Variants in ARGFX observed in about 807,000 individuals in gnomAD.
The protein encoded by ARGFX is arginine-fifty homeobox.
A neutral mutation model predicts 8.0 loss-of-function variants in ARGFX; 10 were observed. The ratio of observed to expected loss-of-function variants is 1.25; its 90% CI spans 0.77 to 2.12. The LOEUF (loss-of-function observed/expected upper bound fraction) is 2.12, where lower values mean the gene tolerates loss of function less well. Among genes scored for constraint, ARGFX ranks in the 30% most tolerant of loss-of-function variants. The pLI is 0.00. For missense variants in ARGFX, 282 were observed against 324.3 expected, an observed-to-expected ratio of 0.87 and a Z score of 1.00; for synonymous variants, 116 against 117.8, an observed-to-expected ratio of 0.98 and a Z score of 0.10.
intron 3 of ARGFX, among the ~76,000 whole-genome samples, chr3:121,580,567 AGTGTGTGT>A (rs143363410): frequency 5.5e-5 from 7 of 128,092 alleles, no homozygotes; most frequent in African/African-American, 8.6e-5. Flanking sequence ...TATAAAGAAA[AGTGTGTGT>A]GTGTGTGTGT....
At chr3:121,568,683 G>C (rs2048688140) in intron 1 of ARGFX, among the ~76,000 whole-genome samples, 1 of 152,124 alleles carries the variant, frequency 6.6e-6, no homozygotes, top group Non-Finnish European at 1.5e-5. Context: ...ATCTTTAAGA[G>C]GTTGATAATA....
rs2048834876 is a variant in ARGFX, at chr3:121,589,796, A to G, written c.*3196A>G. Among the ~76,000 whole-genome samples, 1 of 152,250 alleles carries G rather than the reference A, an allele frequency of 6.6e-6. No individual in the cohort carries two copies. The highest frequency in any genetic ancestry group is 1.5e-5 in the Non-Finnish European group (1 of 68,040). On this transcript the variant is annotated 3_prime_UTR_variant, in exon 5 of 5. Coordinates refer to ENST00000334384, the MANE Select transcript of ARGFX (RefSeq NM_001012659.2). ...AACATATACCAAAAATATATGAGGC[A>G]AATTTTAGCAAAAATTAAAATTCTT... is the stretch of plus-strand genomic sequence containing the variant.
At chr3:121,576,323 T>C (rs1175437703) in intron 2 of ARGFX, among the ~76,000 whole-genome samples, 1 of 152,168 alleles carries the variant, frequency 6.6e-6, no homozygotes, top group Non-Finnish European at 1.5e-5. Flanking sequence ...AGTGTGTCTA[T>C]TTCCAAACTC....
chr3:121,568,290 C>G (rs561653402), intron 1 of ARGFX, among the ~76,000 whole-genome samples: 1 of 152,260 alleles, frequency 6.6e-6, no homozygotes, highest in South Asian at 2.1e-4. Flanking sequence ...GTTAGCCAGG[C>G]CTTTGGAAAT....
intron 3 of ARGFX, among the ~76,000 whole-genome samples, chr3:121,577,222 T>G (rs2048744071): frequency 8.6e-6 from 1 of 116,882 alleles, no homozygotes; most frequent in African/African-American, 3.6e-5. Flanking sequence ...TATATCTACA[T>G]GTACATATAT....
chr3:121,580,028 C>G (rs1275354226), intron 3 of ARGFX, among the ~76,000 whole-genome samples: 2 of 129,812 alleles, frequency 1.5e-5, no homozygotes, highest in Non-Finnish European at 3.1e-5. Flanking sequence ...TCTCAGCTTA[C>G]TGCAGCCTCA....
At chr3:121,578,459 T>C (rs1576442737) in intron 3 of ARGFX, among the ~76,000 whole-genome samples, 1 of 152,006 alleles carries the variant, frequency 6.6e-6, no homozygotes, top group East Asian at 1.9e-4. Context: ...GAAACTGAGG[T>C]GGGCTGGGTG....
At chr3:121,578,327 A>G (rs1431421584) in intron 3 of ARGFX, among the ~76,000 whole-genome samples, 1 of 151,762 alleles carries the variant, frequency 6.6e-6, no homozygotes, top group African/African-American at 2.4e-5. Context: ...GGGTTTCTCC[A>G]TGTTCGTCAG....
chr3:121,576,710 T>C (rs201076364), intron 2 of ARGFX, 74 bp from the exon 3 acceptor site: 1 of 55,008 alleles, frequency 1.8e-5, no homozygotes, highest in South Asian at 8.4e-5. Flanking sequence ...TCTTTCTTTT[T>C]CTTTCTTTCT....
chr3:121,585,046 T>C lies in ARGFX; in HGVS notation c.350T>C (p.Leu117Pro), dbSNP rs2048803018. The C allele has an allele frequency of 1.2e-6, 2 of 1,613,962 alleles. No individual in the cohort carries two copies. Among genetic ancestry groups the C allele is most frequent in the Non-Finnish European group, 8.5e-7 (1 of 1,179,968 alleles). The change falls in exon 4 of 5, where the codon CTA (leucine) becomes CCA (proline). Residue 117 changes from leucine to proline, a missense_variant. Physicochemically the swap from Leu to Pro is moderately conservative, Grantham distance 98 (BLOSUM62 -3). Transcript: ENST00000334384. Reference protein sequence around the residue: ...LQEKLALRLDLPESTVKVWFR... With the variant: ...LQEKLALRLDPPESTVKVWFR... ...GAGAAACTAGCTTTGAGACTCGACC[T>C]ACCGGAGTCAACAGTAAAGGTCTGA...
chr3:121,583,628 G>A (rs2048793500), intron 3 of ARGFX, among the ~76,000 whole-genome samples: 1 of 151,882 alleles, frequency 6.6e-6, no homozygotes, highest in Non-Finnish European at 1.5e-5. Context: ...CCTGGCTCAA[G>A]CAATCCTCCC....
intron 4 of ARGFX, 59 bp from the exon 5 acceptor site, chr3:121,585,963 A>G (rs562579431): frequency 1.6e-5 from 23 of 1,482,762 alleles, no homozygotes; most frequent in Non-Finnish European, 2.0e-5. Context: ...ACTCAGGAGA[A>G]TCCTCCAATG....
Position 121,570,610 on chromosome 3 carries a change from T to C in ARGFX, c.-12-92T>C. ...GGGGGTTAACCTCACTTGCCAGAGG[T>C]CATACATCAAGCCCAGGCTCCTTGA... On this transcript the variant is annotated intron_variant, in intron 1 of 4. Coordinates refer to ENST00000334384, the MANE Select transcript of ARGFX (RefSeq NM_001012659.2). 4.2e-6 allele frequency: 3 copies of C among 708,242 alleles called. No homozygotes were observed. In the South Asian group the frequency reaches 7.4e-5, roughly 18 times the overall value. 43.9% of individuals were successfully genotyped at this position (708,242 alleles called of 1,614,324 possible). A position where few individuals can be genotyped will look rare whatever the true frequency, so the allele number is the denominator to read the frequency against.
At chr3:121,584,204 G>GGGGA (rs1553835948) in intron 3 of ARGFX, among the ~76,000 whole-genome samples, 1 of 104,264 alleles carries the variant, frequency 9.6e-6, no homozygotes, top group African/African-American at 4.1e-5. Flanking sequence ...GACAGAGAGA[G>GGGGA]AGGAAGGAAG....
At chr3:121,577,256 T>TCTACATGTAC (rs2048747151) in intron 3 of ARGFX, among the ~76,000 whole-genome samples, 7 of 52,384 alleles carry the variant, frequency 1.3e-4, no homozygotes, top group Non-Finnish European at 2.3e-4. Context: ...TATATATATA[T>TCTACATGTAC]ATATTTTTTT....
intron 2 of ARGFX, among the ~76,000 whole-genome samples, chr3:121,572,326 A>C (rs1274370153): frequency 5.1e-5 from 7 of 137,716 alleles, no homozygotes; most frequent in South Asian, 2.3e-4. Context: ...ACTGCAACCT[A>C]CGCCTCCCAG....
chr3:121,571,400 T>C (rs192844458), intron 2 of ARGFX, among the ~76,000 whole-genome samples: 15 of 152,098 alleles, frequency 9.9e-5, no homozygotes, highest in Admixed American at 2.6e-4. Context: ...ATTATAAAAA[T>C]AACTCCATTT....
At chr3:121,577,397 G>A (rs953589829) in intron 3 of ARGFX, among the ~76,000 whole-genome samples, 1 of 151,232 alleles carries the variant, frequency 6.6e-6, no homozygotes, top group African/African-American at 2.4e-5. Context: ...GGGATTACAG[G>A]TGTGTGCCAC....
chr3:121,579,028 A>T (rs2048761647), intron 3 of ARGFX, among the ~76,000 whole-genome samples: 1 of 152,164 alleles, frequency 6.6e-6, no homozygotes, highest in South Asian at 2.1e-4. Context: ...ATATATCAAG[A>T]TTACTGCTTA....
Sources: gnomAD v4.1 joint callset for allele counts (sites outside exome capture counted in the v4.1 genomes callset) on GRCh38, gnomAD v4.1.1 for gene constraint, MANE v1.5 for transcripts, NCBI Gene and HGNC (gene_info 2026-07-23, HGNC 2026-07-21) for gene names.